The following IRAK1BP1 variants were observed in gnomAD, a reference collection of about 807,000 sequenced individuals.
IRAK1BP1 encodes interleukin 1 receptor associated kinase 1 binding protein 1, also known as interleukin-1 receptor-associated kinase 1-binding protein 1.
IRAK1BP1 carries 24 observed loss-of-function variants against 28.0 expected under a neutral mutation model. That is an observed-to-expected ratio of 0.86 (90% CI 0.62 to 1.20). The LOEUF is 1.20. IRAK1BP1 is among the 50% of genes most tolerant of loss of function. The pLI is 0.00. For synonymous variants in IRAK1BP1, 131 were observed against 116.3 expected, an observed-to-expected ratio of 1.13 and a Z score of -0.81; for missense variants, 336 against 316.7, an observed-to-expected ratio of 1.06 and a Z score of -0.46.
At chr6:78,893,693 G>A (rs1011409259) in intron 2 of IRAK1BP1, among the ~76,000 whole-genome samples, 5 of 151,946 alleles carry the variant, frequency 3.3e-5, no homozygotes, top group African/African-American at 7.3e-5. Context: ...ATCACCTGAC[G>A]TCAGTTCAAA....
At chr6:78,950,386 T>G (rs1181520017), downstream of IRAK1BP1, among the ~76,000 whole-genome samples, 2 of 152,178 alleles carry the variant, frequency 1.3e-5, no homozygotes, top group East Asian at 3.8e-4. Flanking sequence ...GAATTTTGAG[T>G]TTTTCTATCT....
chr6:78,914,627 T>C (rs1216743305), intron 4 of IRAK1BP1, among the ~76,000 whole-genome samples: 1 of 152,220 alleles, frequency 6.6e-6, no homozygotes, highest in Non-Finnish European at 1.5e-5. Flanking sequence ...TCCTAAACAA[T>C]TTCACTGCTT....
the IRAK1BP1 span, among the ~76,000 whole-genome samples, chr6:78,974,716 A>C: frequency 6.6e-6 from 1 of 152,198 alleles, no homozygotes; most frequent in Non-Finnish European, 1.5e-5. Flanking sequence ...ACAGAAATAC[A>C]AACTACCATC....
intron 4 of IRAK1BP1, among the ~76,000 whole-genome samples, chr6:78,931,010 A>C (rs73462296): frequency 0.021 from 3,167 of 152,290 alleles, 113 homozygotes; most frequent in African/African-American, 0.071. Flanking sequence ...CAGGTATGCA[A>C]CATCCTATCT....
the IRAK1BP1 span, chr6:78,954,985 A>G: frequency 2.7e-6 from 4 of 1,500,196 alleles, no homozygotes; most frequent in Non-Finnish European, 2.7e-6. Flanking sequence ...GTGTTCAAAT[A>G]TATTAATAAA....
At chr6:78,888,020 G>T (rs962660700) in intron 2 of IRAK1BP1, among the ~76,000 whole-genome samples, 15 of 50,916 alleles carry the variant, frequency 2.9e-4, no homozygotes, top group Admixed American at 7.5e-4. Flanking sequence ...ATATTATTTA[G>T]CCTTAAAAAA....
rs567412334 is a variant in IRAK1BP1, at chr6:78,878,126, A to T, written c.316-7252A>T. On this transcript the variant is annotated intron_variant, in intron 1 of 3. Transcript: ENST00000369940. Reference sequence around the variant, plus strand: ...CTGCAGACTTAAATGTACCTGTCTGACAGCCTTGAAGAGAGTAGTGGTTCT... The same window carrying T: ...CTGCAGACTTAAATGTACCTGTCTGTCAGCCTTGAAGAGAGTAGTGGTTCT... Among the ~76,000 whole-genome samples, 5 of 152,292 alleles carry T rather than the reference A, an allele frequency of 3.3e-5. No homozygotes were observed. The East Asian group carries it at 9.7e-4, about 29-fold the overall frequency.
the IRAK1BP1 span, chr6:78,958,566 T>C: frequency 6.3e-7 from 1 of 1,580,412 alleles, no homozygotes; most frequent in Non-Finnish European, 8.7e-7. Context: ...TTATGCTCTA[T>C]ATATCGAACT....
At chr6:78,955,157 G>T in the IRAK1BP1 span, 4 of 1,069,810 alleles carry the variant, frequency 3.7e-6, no homozygotes, top group Non-Finnish European at 2.7e-6. Context: ...AATGCTAAGA[G>T]TAAAAAAATA....
At chr6:78,924,095 ACAAAAAACCCTT>A (rs1406154845) in intron 4 of IRAK1BP1, among the ~76,000 whole-genome samples, 1 of 152,164 alleles carries the variant, frequency 6.6e-6, no homozygotes, top group Non-Finnish European at 1.5e-5. Context: ...AAATAGAGAC[ACAAAAAACCCTT>A]CAAAAAATCA....
chr6:78,947,497 A>G, downstream of IRAK1BP1: 1 of 555,082 alleles, frequency 1.8e-6, no homozygotes, highest in South Asian at 2.7e-5. Flanking sequence ...TTTTTCCAGT[A>G]GGACAACATT....
At chr6:78,871,171 C>G in intron 1 of IRAK1BP1, 2 of 705,384 alleles carry the variant, frequency 2.8e-6, no homozygotes, top group Non-Finnish European at 3.5e-6. Context: ...ATAGTGAATG[C>G]TACCAAGAAT....
At chr6:78,970,813 T>G in the IRAK1BP1 span, 2 of 1,610,818 alleles carry the variant, frequency 1.2e-6, no homozygotes, top group Non-Finnish European at 8.5e-7. Flanking sequence ...GGTTGTTTTT[T>G]GGGATTGATA....
intron 4 of IRAK1BP1, among the ~76,000 whole-genome samples, chr6:78,917,576 C>T (rs1409877369): frequency 7.5e-6 from 1 of 132,920 alleles, no homozygotes; most frequent in African/African-American, 2.8e-5. Flanking sequence ...CTGTGAGATA[C>T]TATACAAAAT....
At chr6:78,967,442 C>T in the IRAK1BP1 span, among the ~76,000 whole-genome samples, 5 of 152,152 alleles carry the variant, frequency 3.3e-5, no homozygotes, top group African/African-American at 7.2e-5. Flanking sequence ...CTAATCATAA[C>T]GAACAATATC....
downstream of IRAK1BP1, chr6:78,947,552 G>T: frequency 1.4e-6 from 1 of 713,812 alleles, no homozygotes; most frequent in Non-Finnish European, 2.3e-6. Context: ...TTTAAGTAAA[G>T]CAACATTTAG....
chr6:78,950,700 A>G (rs1774094117), downstream of IRAK1BP1, among the ~76,000 whole-genome samples: 1 of 152,162 alleles, frequency 6.6e-6, no homozygotes, highest in African/African-American at 2.4e-5. Flanking sequence ...GCTCTATATC[A>G]TCTCTGATAT....
At chr6:78,968,197 G>C in the IRAK1BP1 span, among the ~76,000 whole-genome samples, 1 of 152,114 alleles carries the variant, frequency 6.6e-6, no homozygotes, top group African/African-American at 2.4e-5. Flanking sequence ...TAAACAATCA[G>C]ATGTACCAAA....
At chr6:78,921,710 C>A (rs1050954563) in intron 4 of IRAK1BP1, among the ~76,000 whole-genome samples, 1 of 152,186 alleles carries the variant, frequency 6.6e-6, no homozygotes, top group African/African-American at 2.4e-5. Context: ...CGGGCAGGTA[C>A]TCCTCTGAGA....
Sources: allele counts gnomAD v4.1 joint callset (sites outside exome capture counted in the v4.1 genomes callset), GRCh38; gene constraint gnomAD v4.1.1; transcripts MANE v1.5; gene names NCBI Gene and HGNC (gene_info 2026-07-23, HGNC 2026-07-21).